PDZRN4: variants seen among roughly 807,000 people sequenced by gnomAD.
PDZRN4 encodes PDZ domain containing ring finger 4.
A neutral mutation model predicts 99.0 loss-of-function variants in PDZRN4; 70 were observed. That is an observed-to-expected ratio of 0.71 (90% CI 0.58 to 0.86). PDZRN4 has a LOEUF of 0.86. Ranked by LOEUF, PDZRN4 falls within the 40% of genes least tolerant of loss-of-function variation. The pLI is 0.00. For missense variants in PDZRN4, 1,474 were observed against 1,331.2 expected (o/e 1.11, Z -1.67); for synonymous variants, 551 against 501.6 (o/e 1.10, Z -1.32).
chr12:41,532,314 A>C (rs1592099779), intron 5 of PDZRN4, among the ~76,000 whole-genome samples: 1 of 152,146 alleles, frequency 6.6e-6, no homozygotes. Flanking sequence ...ACTGTCTTAA[A>C]TTGTTATATC....
intron 3 of PDZRN4, among the ~76,000 whole-genome samples, chr12:41,210,214 T>C (rs1049561948): frequency 6.6e-6 from 1 of 152,046 alleles, no homozygotes; most frequent in Admixed American, 6.6e-5. Context: ...TTCTTGTAAA[T>C]TTGTTTGAGT....
rs1939081137 is a variant in PDZRN4 at position 41,552,772 on chromosome 12, G to A, written c.1302+18G>A. The stretch of plus-strand genomic sequence containing the variant: ...TCAGCGAGGTAAGAAACGCCATGGA[G>A]GGGAAATTCGAGGAGGGAGACTAGG... On this transcript the variant is annotated intron_variant, in intron 6 of 9. Transcript: ENST00000402685. 1.3e-6 allele frequency: 2 copies of A among 1,589,540 alleles called. No individual in the cohort carries two copies. The highest frequency in any genetic ancestry group is 1.7e-5 in the Admixed American group (1 of 59,964).
At chr12:41,340,780 T>A (rs1331812291) in intron 3 of PDZRN4, among the ~76,000 whole-genome samples, 1 of 151,894 alleles carries the variant, frequency 6.6e-6, no homozygotes, top group Non-Finnish European at 1.5e-5. Flanking sequence ...ACTGCTGAAT[T>A]CTTCCATAGA....
chr12:41,449,706 G>T (rs1952759587), intron 3 of PDZRN4, among the ~76,000 whole-genome samples: 1 of 152,216 alleles, frequency 6.6e-6, no homozygotes, highest in South Asian at 2.1e-4. Flanking sequence ...TTAAAATAAG[G>T]CATCTAAAAT....
intron 3 of PDZRN4, among the ~76,000 whole-genome samples, chr12:41,347,582 CTT>C (rs1951862549): frequency 6.6e-6 from 1 of 151,994 alleles, no homozygotes. Flanking sequence ...AATACTTTTT[CTT>C]ATTCTATGGG....
intron 3 of PDZRN4, among the ~76,000 whole-genome samples, chr12:41,448,002 C>A (rs529103197): frequency 6.2e-4 from 95 of 152,220 alleles, no homozygotes; most frequent in Non-Finnish European, 1.1e-3. Context: ...GGAAGATGCT[C>A]TTTTCGGCAT....
chr12:41,222,674 A>C (rs2120728363), intron 3 of PDZRN4, among the ~76,000 whole-genome samples: 1 of 152,124 alleles, frequency 6.6e-6, no homozygotes, highest in South Asian at 2.1e-4. Context: ...ACAGGTGCAC[A>C]CCACCATGCC....
At chr12:41,472,643 A>G (rs1386946559) in intron 3 of PDZRN4, among the ~76,000 whole-genome samples, 4 of 152,208 alleles carry the variant, frequency 2.6e-5, no homozygotes, top group African/African-American at 9.6e-5. Flanking sequence ...ATCCCTTTTT[A>G]CCATGATTGC....
intron 3 of PDZRN4, among the ~76,000 whole-genome samples, chr12:41,272,908 G>GAAA (rs1400795474): frequency 6.6e-6 from 1 of 151,820 alleles, no homozygotes; most frequent in Non-Finnish European, 1.5e-5. Flanking sequence ...GATGCTGTTG[G>GAAA]TTGTAACTCT....
chr12:41,371,357 T>G (rs1952039911), intron 3 of PDZRN4, among the ~76,000 whole-genome samples: 1 of 151,962 alleles, frequency 6.6e-6, no homozygotes, highest in Non-Finnish European at 1.5e-5. Context: ...TATTGTTTCA[T>G]TGTTTTCCTC....
chr12:41,347,175 T>A (rs1278259877), intron 3 of PDZRN4, among the ~76,000 whole-genome samples: 2 of 152,112 alleles, frequency 1.3e-5, no homozygotes, highest in African/African-American at 4.8e-5. Flanking sequence ...AGGAGAGGAA[T>A]TGCTGGGTCC....
chr12:41,368,794 C>T (rs1039248782), intron 3 of PDZRN4, among the ~76,000 whole-genome samples: 2 of 152,088 alleles, frequency 1.3e-5, no homozygotes, highest in East Asian at 1.9e-4. Context: ...TAGCTCATCT[C>T]CTCCCAAGTG....
intron 3 of PDZRN4, among the ~76,000 whole-genome samples, chr12:41,449,025 A>C (rs943245576): frequency 2.6e-5 from 4 of 152,098 alleles, no homozygotes; most frequent in Non-Finnish European, 5.9e-5. Context: ...ATGCAGACCC[A>C]ACACATTAGG....
Position 41,188,923 on chromosome 12 carries a change from C to G in PDZRN4, c.468C>G (p.Arg156=), listed in dbSNP as rs1259729522. ...GGCCGCCGGGCGGCCGCTGGGGCCGCGGGCGGGGACCCGGGCCTCGGGTCC... is the reference window on the plus strand; with the variant it reads ...GGCCGCCGGGCGGCCGCTGGGGCCGGGGGCGGGGACCCGGGCCTCGGGTCC... ...RGGPPGGRWG[R]GRGPGPRVLA... is the part of the protein sequence containing the mutation. Residue 156 remains arginine (R), a synonymous_variant, in exon 1 of 10, where the codon CGC becomes CGG. Coordinates refer to ENST00000402685, the MANE Select transcript of PDZRN4 (RefSeq NM_001164595.2). 1.7e-6 allele frequency: 2 copies of G among 1,179,848 alleles called. No individual in the cohort carries two copies. Among genetic ancestry groups the G allele is most frequent in the Non-Finnish European group, 2.1e-6 (2 of 956,328 alleles). 73.1% of individuals were successfully genotyped at this position (1,179,848 alleles called of 1,614,324 possible). A position where few individuals can be genotyped will look rare whatever the true frequency, so the allele number is the denominator to read the frequency against.
At chr12:41,518,651 G>A (rs1266851005) in intron 5 of PDZRN4, among the ~76,000 whole-genome samples, 6 of 152,146 alleles carry the variant, frequency 3.9e-5, no homozygotes, top group Admixed American at 3.9e-4. Flanking sequence ...ATATATGAGA[G>A]TAGTATCATT....
At chr12:41,389,232 G>C (rs1208427930) in intron 3 of PDZRN4, among the ~76,000 whole-genome samples, 1 of 152,082 alleles carries the variant, frequency 6.6e-6, no homozygotes, top group Admixed American at 6.6e-5. Flanking sequence ...CTGTAAATGA[G>C]AATATTAATA....
chr12:41,380,833 A>T (rs1649352022), intron 3 of PDZRN4, among the ~76,000 whole-genome samples: 1 of 152,104 alleles, frequency 6.6e-6, no homozygotes, highest in Admixed American at 6.5e-5. Context: ...TTATATATTC[A>T]TATGTTTTTA....
intron 3 of PDZRN4, among the ~76,000 whole-genome samples, chr12:41,374,559 A>G (rs1478696895): frequency 6.6e-6 from 1 of 152,186 alleles, no homozygotes; most frequent in Non-Finnish European, 1.5e-5. Flanking sequence ...AGCTAAAAGG[A>G]TAGCAGTAGG....
intron 6 of PDZRN4, among the ~76,000 whole-genome samples, chr12:41,553,841 G>C (rs1939098939): frequency 6.7e-6 from 1 of 149,364 alleles, no homozygotes; most frequent in African/African-American, 2.5e-5. Context: ...GCTCTATGCT[G>C]TTCTGAGTTT....
Sources: gnomAD v4.1 joint callset for allele counts (sites outside exome capture counted in the v4.1 genomes callset) on GRCh38, gnomAD v4.1.1 for gene constraint, MANE v1.5 for transcripts, NCBI Gene and HGNC (gene_info 2026-07-23, HGNC 2026-07-21) for gene names.